PDE1C: variants seen among roughly 807,000 people sequenced by gnomAD.
PDE1C encodes the protein phosphodiesterase 1C, also known as dual specificity calcium/calmodulin-dependent 3',5'-cyclic nucleotide phosphodiesterase 1C.
In PDE1C, 62 loss-of-function variants were observed where a neutral mutation model predicts 93.1. The ratio of observed to expected loss-of-function variants is 0.67; its 90% CI spans 0.54 to 0.82. The LOEUF is 0.82. Ranked by LOEUF, PDE1C falls within the 40% of genes least tolerant of loss-of-function variation. The pLI is 0.00. For synonymous variants in PDE1C, 325 were observed against 310.1 expected (o/e 1.05, Z -0.50); for missense variants, 742 against 884.6 (o/e 0.84, Z 2.04).
chr7:31,689,335 C>A, the PDE1C span, among the ~76,000 whole-genome samples: 1 of 152,144 alleles, frequency 6.6e-6, no homozygotes, highest in African/African-American at 2.4e-5. Flanking sequence ...GAGGCCCTAG[C>A]TTTTTGGTTG....
chr7:32,109,315 G>A (rs1192145094), intron 3 of PDE1C, among the ~76,000 whole-genome samples: 1 of 152,132 alleles, frequency 6.6e-6, no homozygotes, highest in African/African-American at 2.4e-5. Flanking sequence ...CAGAGAGATG[G>A]ATTTATATGT....
At chr7:31,863,089 T>C (rs3922299) in intron 7 of PDE1C, among the ~76,000 whole-genome samples, 39,906 of 152,088 alleles carry the variant, frequency 0.26, 5,624 homozygotes, top group Non-Finnish European at 0.32. Flanking sequence ...ATCTATATAG[T>C]ACTGAGGTTT....
chr7:31,712,382 C>T, the PDE1C span, among the ~76,000 whole-genome samples: 5 of 152,242 alleles, frequency 3.3e-5, no homozygotes, highest in African/African-American at 1.2e-4. Context: ...CACAAGGTTA[C>T]TTACTCTGAT....
intron 16 of PDE1C, chr7:31,788,438 A>C (rs1784233456): frequency 6.6e-6 from 1 of 152,158 alleles, no homozygotes; most frequent in South Asian, 2.1e-4. Context: ...ATATGTAAAA[A>C]TTTGGAGAGA....
the PDE1C span, chr7:31,655,956 A>T: frequency 4.1e-6 from 4 of 985,216 alleles, no homozygotes; most frequent in Non-Finnish European, 2.4e-6. Flanking sequence ...CCTCAGATGA[A>T]TCTCCAATTC....
intron 2 of PDE1C, among the ~76,000 whole-genome samples, chr7:31,953,255 A>G (rs1321335286): frequency 3.3e-5 from 5 of 152,220 alleles, no homozygotes; most frequent in African/African-American, 1.2e-4. Context: ...TGATTCAATT[A>G]GTAACCCCAG....
chr7:32,334,503 G>A lies in PDE1C; in HGVS notation c.310+93319C>T, dbSNP rs901244123. Among the ~76,000 whole-genome samples the A allele has an allele frequency of 5.9e-5, 9 of 152,084 alleles. No homozygotes were observed. In the East Asian group the frequency reaches 9.7e-4, roughly 16 times the overall value. On this transcript the variant is annotated intron_variant, in intron 1 of 1. Coordinates refer to the PDE1C transcript ENST00000672256. Reference sequence around the variant, plus strand: ...TGGTTACATGAGTAAGTTCTCTAGCGGTGCTTTGTGAGGTTTTGGTGTACC... The same window carrying A: ...TGGTTACATGAGTAAGTTCTCTAGCAGTGCTTTGTGAGGTTTTGGTGTACC...
chr7:31,643,009 C>T, the PDE1C span: 11 of 1,613,872 alleles, frequency 6.8e-6, no homozygotes, highest in African/African-American at 4.0e-5. Context: ...TCTGCCAATG[C>T]CCCATGCTGA....
intron 5 of PDE1C, among the ~76,000 whole-genome samples, chr7:31,873,806 G>A (rs1378764912): frequency 6.6e-6 from 1 of 152,180 alleles, no homozygotes; most frequent in Non-Finnish European, 1.5e-5. Context: ...GGCAGGGCCA[G>A]AACACAAACA....
chr7:32,187,546 T>A (rs1803965049), intron 2 of PDE1C, among the ~76,000 whole-genome samples: 1 of 150,666 alleles, frequency 6.6e-6, no homozygotes, highest in Non-Finnish European at 1.5e-5. Context: ...CACATAACAT[T>A]CTGTTTTCTA....
intron 1 of PDE1C, among the ~76,000 whole-genome samples, chr7:32,228,712 G>C (rs1245795076): frequency 6.6e-6 from 1 of 152,148 alleles, no homozygotes; most frequent in Non-Finnish European, 1.5e-5. Flanking sequence ...TGCCCTGCCT[G>C]CTGCATAGAG....
chr7:32,257,352 C>G (rs1429042740), intron 1 of PDE1C, among the ~76,000 whole-genome samples: 3 of 152,146 alleles, frequency 2.0e-5, no homozygotes, highest in Non-Finnish European at 4.4e-5. Context: ...TGGAACAGAG[C>G]AAAGGCGCAA....
chr7:31,967,983 C>A, intron 2 of PDE1C, among the ~76,000 whole-genome samples: 1 of 152,140 alleles, frequency 6.6e-6, no homozygotes, highest in Non-Finnish European at 1.5e-5. Flanking sequence ...CTGTCTATGA[C>A]AAACCCACAG....
At chr7:32,256,524 GC>G (rs1562624469) in intron 1 of PDE1C, among the ~76,000 whole-genome samples, 1 of 152,108 alleles carries the variant, frequency 6.6e-6, no homozygotes, top group Non-Finnish European at 1.5e-5. Context: ...CTGTTTTTCC[GC>G]CAGAAGCAGC....
intron 8 of PDE1C, among the ~76,000 whole-genome samples, 199 bp from the exon 9 acceptor site, chr7:31,848,295 T>C (rs1017804105): frequency 6.6e-6 from 1 of 152,170 alleles, no homozygotes; most frequent in Admixed American, 6.6e-5. Flanking sequence ...TATCAGTACA[T>C]GTGTGGGCAG....
chr7:31,956,718 G>T (rs1290410401), intron 2 of PDE1C, among the ~76,000 whole-genome samples: 3 of 150,382 alleles, frequency 2.0e-5, no homozygotes, highest in African/African-American at 7.3e-5. Flanking sequence ...TTAAAATCTA[G>T]CTCACTTGTT....
intron 1 of PDE1C, among the ~76,000 whole-genome samples, chr7:32,059,885 T>G (rs547070174): frequency 6.6e-6 from 1 of 152,338 alleles, no homozygotes; most frequent in Admixed American, 6.5e-5. Context: ...TAGTCCTCTA[T>G]TCACGTATTT....
chr7:31,736,047 AT>A, the PDE1C span, among the ~76,000 whole-genome samples: 470 of 152,092 alleles, frequency 3.1e-3, 4 homozygotes, highest in African/African-American at 0.011. Flanking sequence ...TTTTTTGTGG[AT>A]TTTTTTTCCC....
At chr7:31,817,840 C>T (rs375230593) in intron 14 of PDE1C, among the ~76,000 whole-genome samples, 6 of 152,126 alleles carry the variant, frequency 3.9e-5, no homozygotes, top group Admixed American at 6.6e-5. Flanking sequence ...CAGATTCACA[C>T]GTTCACGAGG....
Sources: allele counts gnomAD v4.1 joint callset (sites outside exome capture counted in the v4.1 genomes callset), GRCh38; gene constraint gnomAD v4.1.1; transcripts MANE v1.5; gene names NCBI Gene and HGNC (gene_info 2026-07-23, HGNC 2026-07-21).